SUGCT: variants seen among roughly 807,000 people sequenced by gnomAD.
The protein encoded by SUGCT is succinyl-CoA:glutarate CoA-transferase.
SUGCT carries 41 observed loss-of-function variants against 55.0 expected under a neutral mutation model. That is an observed-to-expected ratio of 0.74 (90% CI 0.58 to 0.97). The LOEUF (loss-of-function observed/expected upper bound fraction) is 0.97. Ranked by LOEUF, SUGCT falls within the 50% of genes least tolerant of loss-of-function variation. The pLI, the probability that SUGCT is intolerant of heterozygous loss-of-function variation, is 0.00. For missense variants in SUGCT, 568 were observed against 547.8 expected, an observed-to-expected ratio of 1.04 and a Z score of -0.37; for synonymous variants, 187 against 200.4, an observed-to-expected ratio of 0.93 and a Z score of 0.56.
chr7:40,930,362 C>T, the SUGCT span, among the ~76,000 whole-genome samples: 1 of 152,156 alleles, frequency 6.6e-6, no homozygotes, highest in Non-Finnish European at 1.5e-5. Context: ...CGTGATGCCT[C>T]CAGCTTTGTT....
intron 6 of SUGCT, among the ~76,000 whole-genome samples, chr7:40,204,094 T>G (rs973767441): frequency 2.0e-5 from 3 of 151,710 alleles, no homozygotes; most frequent in Non-Finnish European, 4.4e-5. Context: ...GCTCACGTGA[T>G]CCTCCCGCTT....
At chr7:40,504,084 G>A (rs1348303773) in intron 12 of SUGCT, among the ~76,000 whole-genome samples, 2 of 152,136 alleles carry the variant, frequency 1.3e-5, no homozygotes, top group African/African-American at 4.8e-5. Context: ...AGATACGTTC[G>A]TCAAAGAGTA....
chr7:40,966,091 G>C, the SUGCT span: 1 of 152,228 alleles, frequency 6.6e-6, no homozygotes, highest in Non-Finnish European at 1.5e-5. Flanking sequence ...TCAATAAAAA[G>C]TGGGCACTAT....
At chr7:40,783,068 A>G (rs1229842038) in intron 13 of SUGCT, among the ~76,000 whole-genome samples, 1 of 152,132 alleles carries the variant, frequency 6.6e-6, no homozygotes, top group African/African-American at 2.4e-5. Flanking sequence ...GTGCTGAGGA[A>G]GGCTGACTTT....
intron 12 of SUGCT, among the ~76,000 whole-genome samples, chr7:40,744,307 T>C (rs7781779): frequency 0.024 from 3,653 of 152,140 alleles, 175 homozygotes; most frequent in East Asian, 0.092. Flanking sequence ...TTCAAATACT[T>C]CCAATTTTCA....
chr7:40,667,834 C>G (rs1301992417), intron 12 of SUGCT, among the ~76,000 whole-genome samples: 1 of 151,730 alleles, frequency 6.6e-6, no homozygotes, highest in Admixed American at 6.6e-5. Context: ...TGGATGTTTT[C>G]TTTGTTAATC....
chr7:40,297,479 G>C (rs1410799254), intron 8 of SUGCT, among the ~76,000 whole-genome samples: 1 of 152,132 alleles, frequency 6.6e-6, no homozygotes, highest in South Asian at 2.1e-4. Context: ...AGAGAACTGA[G>C]ATAACATGAA....
chr7:40,690,752 T>A (rs1268624957), intron 12 of SUGCT, among the ~76,000 whole-genome samples: 1 of 152,050 alleles, frequency 6.6e-6, no homozygotes, highest in Non-Finnish European at 1.5e-5. Flanking sequence ...AATTTTTGTA[T>A]TTTTTTGTAG....
intron 9 of SUGCT, among the ~76,000 whole-genome samples, chr7:40,371,950 A>G (rs1198173590): frequency 8.0e-6 from 1 of 125,628 alleles, no homozygotes; most frequent in Non-Finnish European, 1.8e-5. Context: ...TCTCGAACAC[A>G]CACACACACA....
At chr7:40,804,138 T>C (rs1356146533) in intron 13 of SUGCT, among the ~76,000 whole-genome samples, 1 of 152,204 alleles carries the variant, frequency 6.6e-6, no homozygotes, top group African/African-American at 2.4e-5. Flanking sequence ...GAAAAGTGTG[T>C]GTAAACTTCT....
intron 9 of SUGCT, among the ~76,000 whole-genome samples, chr7:40,326,267 C>G (rs1287541867): frequency 6.6e-6 from 1 of 152,088 alleles, no homozygotes; most frequent in African/African-American, 2.4e-5. Flanking sequence ...TGGGGTCAGA[C>G]AGGCCTGGAG....
In SUGCT at chr7:40,360,646, A is replaced by G. The variant is rs573815136; in HGVS notation, c.816+43791A>G. Among the ~76,000 whole-genome samples, 10 of 152,258 alleles carry G rather than the reference A, an allele frequency of 6.6e-5. No homozygotes were observed. In the East Asian group the frequency reaches 1.9e-3, roughly 30 times the overall value. ...TTGTGGGAGACTTGAGATTTCTTAG[A>G]AGAAGTAAAATCTCTGTTGAAGGCA... On this transcript the variant is annotated intron_variant, in intron 9 of 13. Coordinates refer to ENST00000335693, the MANE Select transcript of SUGCT (RefSeq NM_001193313.2).
intron 7 of SUGCT, among the ~76,000 whole-genome samples, chr7:40,245,448 TTTTTTTTTTG>T (rs1402624794): frequency 1.2e-4 from 12 of 98,984 alleles, no homozygotes; most frequent in African/African-American, 5.3e-4. Context: ...TTTTTTTTTT[TTTTTTTTTTG>T]AGATGGAGTC....
chr7:40,859,385 C>G (rs982272030), intron 13 of SUGCT, among the ~76,000 whole-genome samples: 1 of 152,126 alleles, frequency 6.6e-6, no homozygotes, highest in African/African-American at 2.4e-5. Flanking sequence ...GCTATGTGGC[C>G]TTGAGCAAAA....
intron 12 of SUGCT, among the ~76,000 whole-genome samples, chr7:40,530,722 A>G (rs1794039489): frequency 6.6e-6 from 1 of 152,240 alleles, no homozygotes; most frequent in Admixed American, 6.5e-5. Flanking sequence ...CATCATTGTG[A>G]TCAGTGAATC....
At chr7:40,901,273 G>T in the SUGCT span, among the ~76,000 whole-genome samples, 1 of 152,208 alleles carries the variant, frequency 6.6e-6, no homozygotes, top group East Asian at 1.9e-4. Context: ...TAGCAGCGAA[G>T]AAAACAATGA....
chr7:40,455,271 A>G (rs1033905448), intron 10 of SUGCT, among the ~76,000 whole-genome samples: 2 of 152,206 alleles, frequency 1.3e-5, no homozygotes, highest in African/African-American at 2.4e-5. Flanking sequence ...TGTAATAGTA[A>G]TGACTCTAAA....
intron 6 of SUGCT, among the ~76,000 whole-genome samples, chr7:40,220,335 A>G (rs546277480): frequency 6.6e-6 from 1 of 152,332 alleles, no homozygotes; most frequent in South Asian, 2.1e-4. Context: ...AGTGTTCCAG[A>G]TATTTATATG....
intron 9 of SUGCT, among the ~76,000 whole-genome samples, chr7:40,443,668 A>C (rs866598495): frequency 6.6e-6 from 1 of 152,142 alleles, no homozygotes; most frequent in African/African-American, 2.4e-5. Context: ...CCCATTGTGT[A>C]GGTTGCCTGT....
Sources: allele counts gnomAD v4.1 joint callset (sites outside exome capture counted in the v4.1 genomes callset), GRCh38; gene constraint gnomAD v4.1.1; transcripts MANE v1.5; gene names NCBI Gene and HGNC (gene_info 2026-07-23, HGNC 2026-07-21).